The following CLSTN2 variants were observed in gnomAD, a reference collection of about 807,000 sequenced individuals.
The protein encoded by CLSTN2 is calsyntenin 2, also known as calsyntenin-2.
In CLSTN2, 48 loss-of-function variants were observed where a neutral mutation model predicts 101.2. That is an observed-to-expected ratio of 0.47 (90% CI 0.38 to 0.60). The LOEUF (loss-of-function observed/expected upper bound fraction) is 0.60. CLSTN2 is among the 20% of genes least tolerant of loss of function. The pLI is 0.00. For missense variants in CLSTN2, 1,160 were observed against 1,238.2 expected, an observed-to-expected ratio of 0.94 and a Z score of 0.95; for synonymous variants, 481 against 463.6, an observed-to-expected ratio of 1.04 and a Z score of -0.48.
chr3:140,489,519 A>C (rs1433959282), intron 8 of CLSTN2, among the ~76,000 whole-genome samples: 1 of 152,112 alleles, frequency 6.6e-6, no homozygotes, highest in Non-Finnish European at 1.5e-5. Flanking sequence ...GACAGGAGCC[A>C]CATACAGAAG....
intron 1 of CLSTN2, among the ~76,000 whole-genome samples, chr3:140,079,318 G>A (rs1484701060): frequency 1.3e-5 from 2 of 152,134 alleles, no homozygotes; most frequent in African/African-American, 2.4e-5. Flanking sequence ...GTTGATTAAC[G>A]ATATTCATAT....
At chr3:140,365,919 T>A (rs2087783157) in intron 2 of CLSTN2, among the ~76,000 whole-genome samples, 1 of 152,130 alleles carries the variant, frequency 6.6e-6, no homozygotes, top group Non-Finnish European at 1.5e-5. Flanking sequence ...CCCAAGGAGC[T>A]TGTATTCTTC....
At chr3:140,547,852 T>C (rs756504562) in intron 10 of CLSTN2, among the ~76,000 whole-genome samples, 1 of 152,164 alleles carries the variant, frequency 6.6e-6, no homozygotes, top group Non-Finnish European at 1.5e-5. Flanking sequence ...CTCTGGAAGT[T>C]GGAACAGACC....
chr3:140,013,762 A>T (rs1158840541), intron 1 of CLSTN2, among the ~76,000 whole-genome samples: 1 of 152,160 alleles, frequency 6.6e-6, no homozygotes, highest in Non-Finnish European at 1.5e-5. Flanking sequence ...GTAGAAATGT[A>T]CTAGTTGAAT....
At chr3:140,407,233 C>T (rs913332289) in intron 4 of CLSTN2, among the ~76,000 whole-genome samples, 1 of 152,174 alleles carries the variant, frequency 6.6e-6, no homozygotes, top group African/African-American at 2.4e-5. Context: ...TTTGCATGCT[C>T]ATAAGGAAAG....
At chr3:139,940,567 A>G (rs1056613684) in intron 1 of CLSTN2, among the ~76,000 whole-genome samples, 8 of 151,994 alleles carry the variant, frequency 5.3e-5, no homozygotes, top group African/African-American at 1.9e-4. Flanking sequence ...TAGAAATCCA[A>G]TAGCTTTGTT....
intron 2 of CLSTN2, among the ~76,000 whole-genome samples, chr3:140,305,599 A>C (rs1275873969): frequency 6.6e-6 from 1 of 152,078 alleles, no homozygotes; most frequent in Non-Finnish European, 1.5e-5. Flanking sequence ...TGTTGAGCTC[A>C]CCTTTCCATC....
intron 2 of CLSTN2, among the ~76,000 whole-genome samples, chr3:140,221,617 A>G (rs528786427): frequency 4.6e-5 from 7 of 152,336 alleles, no homozygotes; most frequent in Admixed American, 3.9e-4. Flanking sequence ...ATATATAAGG[A>G]GCTCAAATGA....
At position 139,955,965 on chromosome 3, in the gene CLSTN2, G is replaced by A. The variant is rs182746104; in HGVS notation, c.109+20482G>A. Among the ~76,000 whole-genome samples, 12 of 152,148 alleles carry A rather than the reference G, an allele frequency of 7.9e-5. No individual in the cohort carries two copies. In the East Asian group the frequency reaches 1.5e-3, roughly 20 times the overall value. ...ACCCTGAGGATAGTTACATATCTTC[G>A]TTAAGTTGCATTCAGCCTGCCCTAC... On this transcript the variant is annotated intron_variant, in intron 1 of 16. Transcript: ENST00000458420.
intron 12 of CLSTN2, among the ~76,000 whole-genome samples, chr3:140,560,049 C>G (rs1935877774): frequency 6.6e-6 from 1 of 152,138 alleles, no homozygotes; most frequent in South Asian, 2.1e-4. Flanking sequence ...TCTGGATTTG[C>G]TACATCTGAC....
rs545044690 is a variant in CLSTN2 at position 140,251,356 on chromosome 3, T to G, written c.232+75283T>G. 9.8e-5 allele frequency among the ~76,000 whole-genome samples: 15 copies of G among 152,342 alleles called. No individual in the cohort carries two copies. In the South Asian group the frequency reaches 3.1e-3, roughly 32 times the overall value. On this transcript the variant is annotated intron_variant, in intron 2 of 16. Transcript: ENST00000458420. ...ACAAAAGTGCTATGGGCTGTATGAT[T>G]TATTCAGTATCTGTTGCTATACATT...
Position 140,052,739 on chromosome 3 carries a change from T to A in CLSTN2, c.109+117256T>A, listed in dbSNP as rs916291355. On this transcript the variant is annotated intron_variant, in intron 1 of 16. Coordinates refer to ENST00000458420, the MANE Select transcript of CLSTN2 (RefSeq NM_022131.3). ...CCTCAGAAAACCAACTCTGCCCAGC[T>A]GATACGTGAAAAAACTCATTTTTGA... Among the ~76,000 whole-genome samples the A allele has an allele frequency of 7.2e-5, 11 of 152,338 alleles. No homozygotes were observed. In the East Asian group the frequency reaches 1.5e-3, roughly 21 times the overall value.
At chr3:140,424,188 ATGAC>A (rs2088536494) in intron 5 of CLSTN2, among the ~76,000 whole-genome samples, 1 of 152,184 alleles carries the variant, frequency 6.6e-6, no homozygotes, top group Admixed American at 6.5e-5. Context: ...CTAAAGGGAA[ATGAC>A]TGAGAACAGG....
rs574227748 is a variant in CLSTN2 at position 140,367,633 on chromosome 3, T to C, written c.233-35996T>C. On this transcript the variant is annotated intron_variant, in intron 2 of 16. Coordinates refer to ENST00000458420, the MANE Select transcript of CLSTN2 (RefSeq NM_022131.3). ...TCTAGCACCTACCTGGGTTTTGTGT[T>C]CATGTCTTGAATTATTTGTTTCTAT... is the stretch of plus-strand genomic sequence containing the variant. Among the ~76,000 whole-genome samples, 6 of 152,294 alleles carry C rather than the reference T, an allele frequency of 3.9e-5. No individual in the cohort carries two copies. In the South Asian group the frequency reaches 1.2e-3, roughly 32 times the overall value.
rs1407078981 is a variant in CLSTN2 at position 139,949,784 on chromosome 3, G to T, written c.109+14301G>T. On this transcript the variant is annotated intron_variant, in intron 1 of 16. Coordinates refer to ENST00000458420, the MANE Select transcript of CLSTN2 (RefSeq NM_022131.3). ...TGGTTGTAACCATCAGCTGCTGCAG[G>T]TGGATCTGACACTTTCCTATGTCAT... Among the ~76,000 whole-genome samples the T allele has an allele frequency of 2.0e-5, 3 of 152,324 alleles. No individual in the cohort carries two copies. The East Asian group carries it at 5.8e-4, about 29-fold the overall frequency.
intron 1 of CLSTN2, among the ~76,000 whole-genome samples, chr3:140,027,792 C>T (rs778283802): frequency 2.6e-5 from 4 of 152,088 alleles, no homozygotes; most frequent in South Asian, 2.1e-4. Flanking sequence ...ATTTTGTTTC[C>T]GCAAAGATCT....
At chr3:140,435,564 T>C (rs10935381) in intron 5 of CLSTN2, among the ~76,000 whole-genome samples, 24,053 of 152,222 alleles carry the variant, frequency 0.16, 2,451 homozygotes, top group South Asian at 0.33. Flanking sequence ...ACTTGATTTC[T>C]TTTCTTTGGG....
At chr3:140,403,862 TCCCGTGCCC>T in intron 3 of CLSTN2, 38 bp downstream of exon 3, 1 of 1,432,776 alleles carries the variant, frequency 7.0e-7, no homozygotes, top group South Asian at 1.2e-5. Context: ...CGCCCCTCCC[TCCCGTGCCC>T]ACCCCACTTC....
At chr3:140,307,332 G>A (rs762577165) in intron 2 of CLSTN2, among the ~76,000 whole-genome samples, 18 of 152,104 alleles carry the variant, frequency 1.2e-4, no homozygotes, top group Admixed American at 2.6e-4. Flanking sequence ...TACACACCTT[G>A]CCGGCCTCCT....
Sources: allele counts gnomAD v4.1 joint callset (sites outside exome capture counted in the v4.1 genomes callset), GRCh38; gene constraint gnomAD v4.1.1; transcripts MANE v1.5; gene names NCBI Gene and HGNC (gene_info 2026-07-23, HGNC 2026-07-21).